The following RBMS1 variants were observed in gnomAD, a reference collection of about 807,000 sequenced individuals.
The protein encoded by RBMS1 is RNA-binding motif, single-stranded-interacting protein 1.
A neutral mutation model predicts 62.3 loss-of-function variants in RBMS1; 17 were observed. The ratio of observed to expected loss-of-function variants is 0.27; its 90% CI spans 0.19 to 0.41. RBMS1 has a LOEUF of 0.41. RBMS1 is among the 10% of genes least tolerant of loss of function. The pLI, the probability that RBMS1 is intolerant of heterozygous loss-of-function variation, is 1.00. For missense variants in RBMS1, 334 were observed against 504.5 expected (o/e 0.66, Z 3.24); for synonymous variants, 172 against 170.0 (o/e 1.01, Z -0.09).
At chr2:160,294,871 G>C (rs1022090952) in intron 6 of RBMS1, among the ~76,000 whole-genome samples, 1 of 152,076 alleles carries the variant, frequency 6.6e-6, no homozygotes, top group African/African-American at 2.4e-5. Flanking sequence ...CAATATTTTT[G>C]TTTTTTATCT....
chr2:160,275,730 C>A lies in RBMS1; in HGVS notation c.1144-16G>T. On this transcript the variant is annotated splice_polypyrimidine_tract_variant and intron_variant, in intron 12 of 13. Transcript: ENST00000348849. ...CACTTGCCTCCTACAACAAACAAAG[C>A]AGAATGGATGAGACATGTTAGTGAA... 1.9e-6 allele frequency: 3 copies of A among 1,613,494 alleles called. No homozygotes were observed. The highest frequency in any genetic ancestry group is 2.5e-6 in the Non-Finnish European group (3 of 1,179,550).
intron 4 of RBMS1, among the ~76,000 whole-genome samples, chr2:160,304,768 AAC>A (rs1689408665): frequency 6.6e-6 from 1 of 152,254 alleles, no homozygotes; most frequent in African/African-American, 2.4e-5. Context: ...TTTAAGCTAA[AAC>A]ACACATACTT....
chr2:160,315,917 T>C (rs1574268060), intron 3 of RBMS1, among the ~76,000 whole-genome samples: 1 of 152,282 alleles, frequency 6.6e-6, no homozygotes, highest in East Asian at 1.9e-4. Flanking sequence ...CTCTTGAAAA[T>C]ACATGTTCCA....
intron 1 of RBMS1, among the ~76,000 whole-genome samples, chr2:160,490,280 GT>G (rs1158516230): frequency 1.3e-5 from 2 of 150,454 alleles, no homozygotes; most frequent in East Asian, 3.9e-4. Flanking sequence ...AGAACCTGCT[GT>G]GATAAGACCA....
In RBMS1 at chr2:160,385,057, A is replaced by G. The variant is rs570750885; in HGVS notation, c.76-17666T>C. Among the ~76,000 whole-genome samples the G allele has an allele frequency of 2.6e-5, 4 of 152,110 alleles. No individual in the cohort carries two copies. In the South Asian group the frequency reaches 8.3e-4, roughly 32 times the overall value. ...CCACTCTGTCTTCTGCCATGACTGT[A>G]AGCTCTCTGAGGCCTGACTTGAAGC... On this transcript the variant is annotated intron_variant, in intron 1 of 13. Transcript: ENST00000348849.
chr2:160,296,088 G>A (rs1050662548), intron 6 of RBMS1, among the ~76,000 whole-genome samples: 4 of 152,194 alleles, frequency 2.6e-5, no homozygotes, highest in East Asian at 1.9e-4. Context: ...GCTCAATGCC[G>A]GAGGCTGACA....
chr2:160,301,268 A>T (rs1175687120), intron 5 of RBMS1, among the ~76,000 whole-genome samples: 1 of 152,190 alleles, frequency 6.6e-6, no homozygotes, highest in African/African-American at 2.4e-5. Flanking sequence ...TCAACTATAT[A>T]CTTTCTTTGT....
rs368566224 is a variant in RBMS1 at position 160,324,866 on chromosome 2, ATGTGTGTGTGTG to A, written c.252-6651_252-6640del. ...TATGCCAGGCACTATTCTAAGCGAG[ATGTGTGTGTGTG>A]TGTGTATATATATATATATATATAT... is the stretch of plus-strand genomic sequence containing the variant. On this transcript the variant is annotated intron_variant, in intron 2 of 13. Transcript: ENST00000348849. Among the ~76,000 whole-genome samples, 108 of 113,162 alleles carry A rather than the reference ATGTGTGTGTGTG, an allele frequency of 9.5e-4. No individual in the cohort carries two copies. The East Asian group carries it at 0.024, about 25-fold the overall frequency. The allele number at this position is 113,162 out of a possible 152,430, so 74.2% of individuals were successfully genotyped here.
At chr2:160,282,405 A>G (rs937191009) in intron 9 of RBMS1, 20 of 990,660 alleles carry the variant, frequency 2.0e-5, no homozygotes, top group Admixed American at 7.7e-5. Context: ...GCAGCTGCCA[A>G]TTTCTCAAAT....
chr2:160,432,330 T>C (rs912613702), intron 1 of RBMS1: 1 of 152,136 alleles, frequency 6.6e-6, no homozygotes, highest in Non-Finnish European at 1.5e-5. Context: ...GAGGAGAATC[T>C]GAAAGCGCCT....
chr2:160,451,901 C>T (rs898674378), intron 1 of RBMS1, among the ~76,000 whole-genome samples: 3 of 152,134 alleles, frequency 2.0e-5, no homozygotes, highest in Non-Finnish European at 2.9e-5. Flanking sequence ...TGAGGCACCG[C>T]GCCTGGCCAA....
intron 1 of RBMS1, among the ~76,000 whole-genome samples, chr2:160,406,721 T>C (rs1695730298): frequency 6.6e-6 from 1 of 152,170 alleles, no homozygotes; most frequent in African/African-American, 2.4e-5. Flanking sequence ...AAAACAAAGA[T>C]GAAAAACAAA....
chr2:160,336,161 T>C (rs916637727), intron 2 of RBMS1, among the ~76,000 whole-genome samples: 4 of 152,152 alleles, frequency 2.6e-5, no homozygotes, highest in Non-Finnish European at 4.4e-5. Flanking sequence ...AATGACAAAC[T>C]AGGCATACAC....
chr2:160,362,293 C>A (rs543967422), intron 2 of RBMS1, among the ~76,000 whole-genome samples: 6 of 152,272 alleles, frequency 3.9e-5, no homozygotes, highest in African/African-American at 1.4e-4. Context: ...TTTTCCTTTG[C>A]GGGCTGTTTG....
chr2:160,282,132 TA>T (rs1159757362), intron 9 of RBMS1: 2 of 869,198 alleles, frequency 2.3e-6, no homozygotes, highest in Non-Finnish European at 3.4e-6. Context: ...GTAATTTTAT[TA>T]AGTTTCAGTT....
intron 1 of RBMS1, 59 bp downstream of exon 1, chr2:160,493,230 C>G (rs1332172869): frequency 2.6e-6 from 4 of 1,535,808 alleles, no homozygotes; most frequent in Non-Finnish European, 3.6e-6. Context: ...CAGGCCTGAC[C>G]CTGCGCGCGT....
At chr2:160,367,995 T>G (rs1186299185) in intron 1 of RBMS1, among the ~76,000 whole-genome samples, 1 of 152,148 alleles carries the variant, frequency 6.6e-6, no homozygotes, top group East Asian at 1.9e-4. Context: ...GTGAGAATGG[T>G]GTCCAAGCTG....
chr2:160,462,978 A>T (rs1358841120), intron 1 of RBMS1, among the ~76,000 whole-genome samples: 5 of 152,224 alleles, frequency 3.3e-5, no homozygotes, highest in Non-Finnish European at 5.9e-5. Flanking sequence ...GGGAAGTTAG[A>T]AGGCAGTCTA....
chr2:160,451,557 T>C (rs1043665155), intron 1 of RBMS1, among the ~76,000 whole-genome samples: 11 of 152,326 alleles, frequency 7.2e-5, no homozygotes, highest in East Asian at 5.8e-4. Flanking sequence ...TTAAACCCAA[T>C]GCACCAGACA....
Sources: allele counts gnomAD v4.1 joint callset (sites outside exome capture counted in the v4.1 genomes callset), GRCh38; gene constraint gnomAD v4.1.1; transcripts MANE v1.5; gene names NCBI Gene and HGNC (gene_info 2026-07-23, HGNC 2026-07-21).